The following BMAL1 variants were observed in gnomAD, a reference collection of about 807,000 sequenced individuals.
BMAL1 encodes the protein basic helix-loop-helix ARNT-like protein 1.
the BMAL1 span, among the ~76,000 whole-genome samples, chr11:13,290,687 A>G: frequency 6.6e-6 from 1 of 152,086 alleles, no homozygotes; most frequent in Non-Finnish European, 1.5e-5. Context: ...CAGTATTCAT[A>G]TAAGGTGGGT....
the BMAL1 span, among the ~76,000 whole-genome samples, chr11:13,357,514 G>C: frequency 6.6e-6 from 1 of 152,224 alleles, no homozygotes; most frequent in Non-Finnish European, 1.5e-5. This position sits in a 1 kb window ranked among gnomAD's most constrained non-coding sequence, Gnocchi z 4.8. Flanking sequence ...CATGGGGCAT[G>C]CTCGGTGTCT....
chr11:13,291,501 C>T, the BMAL1 span, among the ~76,000 whole-genome samples: 2,203 of 152,262 alleles, frequency 0.014, 62 homozygotes, highest in African/African-American at 0.049. Context: ...TCTATGACAT[C>T]TCCTAGTGTT....
At chr11:13,327,459 T>G in the BMAL1 span, among the ~76,000 whole-genome samples, 59 of 152,220 alleles carry the variant, frequency 3.9e-4, 1 homozygote, top group East Asian at 0.011. Flanking sequence ...GCTCCCAAGT[T>G]CACCTGTCCC....
chr11:13,365,650 C>A, the BMAL1 span: 1 of 1,394,548 alleles, frequency 7.2e-7, no homozygotes, highest in South Asian at 1.2e-5. Context: ...AAGTGTCACT[C>A]AATTTTGTCA....
the BMAL1 span, among the ~76,000 whole-genome samples, chr11:13,342,981 C>G: frequency 7.9e-3 from 1,199 of 152,306 alleles, 25 homozygotes; most frequent in African/African-American, 0.028. Flanking sequence ...ATAATAATGA[C>G]ACTTACAGAG....
chr11:13,383,019 G>A, the BMAL1 span, among the ~76,000 whole-genome samples: 4 of 152,162 alleles, frequency 2.6e-5, no homozygotes, highest in Non-Finnish European at 4.4e-5. Context: ...GTGTTCTCAC[G>A]AGATGAGTCC....
the BMAL1 span, among the ~76,000 whole-genome samples, chr11:13,352,826 T>C: frequency 6.1e-3 from 933 of 152,240 alleles, 11 homozygotes; most frequent in African/African-American, 0.021. Flanking sequence ...ATGAGGGAAG[T>C]TGGGTCCAGA....
chr11:13,285,170 A>G, the BMAL1 span, among the ~76,000 whole-genome samples: 1 of 152,178 alleles, frequency 6.6e-6, no homozygotes, highest in Non-Finnish European at 1.5e-5. Context: ...GTTCAGAAGC[A>G]GGGGTATGTC....
At chr11:13,369,506 A>C in the BMAL1 span, 1 of 1,255,042 alleles carries the variant, frequency 8.0e-7, no homozygotes, top group Non-Finnish European at 1.1e-6. Flanking sequence ...ATCTCATGTC[A>C]TCATTATAAA....
chr11:13,308,858 C>A, the BMAL1 span, among the ~76,000 whole-genome samples: 2 of 152,060 alleles, frequency 1.3e-5, no homozygotes, highest in African/African-American at 4.8e-5. Context: ...TTCATTCATA[C>A]CTTCATTCAT....
At chr11:13,325,036 A>T in the BMAL1 span, among the ~76,000 whole-genome samples, 6 of 152,358 alleles carry the variant, frequency 3.9e-5, no homozygotes, top group African/African-American at 9.6e-5. Flanking sequence ...GAGGGGACAG[A>T]TGACAGGACC....
chr11:13,334,554 T>A, the BMAL1 span, among the ~76,000 whole-genome samples: 2 of 149,116 alleles, frequency 1.3e-5, no homozygotes, highest in Admixed American at 6.7e-5. Context: ...CTGAACATGG[T>A]GCCTGAGCAA....
At chr11:13,353,731 C>T in the BMAL1 span, among the ~76,000 whole-genome samples, 10,434 of 152,178 alleles carry the variant, frequency 0.069, 397 homozygotes, top group East Asian at 0.14. Context: ...ATGGCTGAGG[C>T]ACGAGAGTCA....
At chr11:13,311,971 C>A in the BMAL1 span, among the ~76,000 whole-genome samples, 638 of 152,250 alleles carry the variant, frequency 4.2e-3, 6 homozygotes, top group African/African-American at 0.015. Context: ...GATAATTCCT[C>A]CAGTCATGAT....
the BMAL1 span, among the ~76,000 whole-genome samples, chr11:13,298,513 T>A: frequency 6.6e-6 from 1 of 152,238 alleles, no homozygotes; most frequent in African/African-American, 2.4e-5. Flanking sequence ...CTTATTTATT[T>A]GGTTTATTTT....
At chr11:13,283,385 A>C in the BMAL1 span, among the ~76,000 whole-genome samples, 7 of 152,236 alleles carry the variant, frequency 4.6e-5, no homozygotes, top group Non-Finnish European at 1.0e-4. Context: ...AACACTTTCT[A>C]TGTGCCAGCA....
the BMAL1 span, among the ~76,000 whole-genome samples, chr11:13,370,285 T>C: frequency 3.9e-5 from 6 of 152,038 alleles, no homozygotes; most frequent in Non-Finnish European, 8.8e-5. Context: ...CTGTCTGCAG[T>C]CTCTCTCTGT....
chr11:13,347,276 G>A, the BMAL1 span, among the ~76,000 whole-genome samples: 1 of 151,982 alleles, frequency 6.6e-6, no homozygotes, highest in Non-Finnish European at 1.5e-5. Flanking sequence ...AGCTACTTGG[G>A]AGGCTGAGGT....
the BMAL1 span, among the ~76,000 whole-genome samples, chr11:13,372,974 T>C: frequency 6.6e-6 from 1 of 152,190 alleles, no homozygotes; most frequent in Non-Finnish European, 1.5e-5. Flanking sequence ...GATAGCATGC[T>C]GTCTGAATCT....
Sources: gnomAD v4.1 joint callset for allele counts (sites outside exome capture counted in the v4.1 genomes callset) on GRCh38, gnomAD v4.1.1 for gene constraint, Gnocchi (gnomAD v3.1) non-coding constraint, MANE v1.5 for transcripts, NCBI Gene and HGNC (gene_info 2026-07-23, HGNC 2026-07-21) for gene names.